Variants in ATP13A3 observed in about 807,000 individuals in gnomAD.
The protein encoded by ATP13A3 is polyamine-transporting ATPase 13A3.
A neutral mutation model predicts 158.1 loss-of-function variants in ATP13A3; 59 were observed. The observed-to-expected ratio is 0.37, with a 90% CI of 0.30 to 0.46. ATP13A3 has a LOEUF of 0.46. Ranked by LOEUF, ATP13A3 falls within the 20% of genes least tolerant of loss-of-function variation. The probability of loss-of-function intolerance (pLI) is 1.00; values close to 1 mark genes in which losing one functional copy is unlikely to be tolerated. For synonymous variants in ATP13A3, 491 were observed against 504.3 expected (o/e 0.97, Z 0.35); for missense variants, 1,166 against 1,525.2 (o/e 0.76, Z 3.92).
At chr3:194,460,854 T>G in intron 3 of ATP13A3, 23 bp from the exon 4 acceptor site, 1 of 1,590,084 alleles carries the variant, frequency 6.3e-7, no homozygotes, top group South Asian at 1.1e-5. Flanking sequence ...AGCGATCACA[T>G]GATTAATTAT....
chr3:194,441,995 A>G (rs545230611), intron 15 of ATP13A3, among the ~76,000 whole-genome samples: 2 of 152,338 alleles, frequency 1.3e-5, no homozygotes, highest in East Asian at 3.9e-4. Flanking sequence ...TTGGCCCATT[A>G]TCCTCACACC....
rs1041052270 is a variant in ATP13A3 at position 194,472,975 on chromosome 3, G to A, written c.-46-10739C>T. Among the ~76,000 whole-genome samples, 4 of 152,038 alleles carry A rather than the reference G, an allele frequency of 2.6e-5. No individual in the cohort carries two copies. In the South Asian group the frequency reaches 8.3e-4, roughly 32 times the overall value. On this transcript the variant is annotated intron_variant, in intron 2 of 33. Coordinates refer to ENST00000645319, the MANE Select transcript of ATP13A3 (RefSeq NM_001367549.1). Reference sequence around the variant, plus strand: ...TGGATATACATAGACATAAAGATGGGGAACAATGGACACTGGCAATGACTA... The same window carrying A: ...TGGATATACATAGACATAAAGATGGAGAACAATGGACACTGGCAATGACTA...
At position 194,431,727 on chromosome 3, in the gene ATP13A3, A is replaced by T; in HGVS notation, c.2411T>A (p.Ile804Asn). 6.3e-7 allele frequency: 1 copy of T among 1,577,318 alleles called. No individual in the cohort carries two copies. The highest frequency in any genetic ancestry group is 8.6e-7 in the Non-Finnish European group (1 of 1,163,810). ...CGATCTTGACCTTACCTCTGGGTCAATTGCTGATGGATGACTGCACTGCGT... is the reference window on the plus strand; with the variant it reads ...CGATCTTGACCTTACCTCTGGGTCATTTGCTGATGGATGACTGCACTGCGT... Reference protein sequence around the residue: ...SLTQCSHPSAIDPEAIPVKLV... With the variant: ...SLTQCSHPSANDPEAIPVKLV... Residue 804 changes from isoleucine (I) to asparagine (N), a missense_variant, in exon 22 of 34, where the codon ATT becomes AAT. Coordinates refer to ENST00000645319, the MANE Select transcript of ATP13A3 (RefSeq NM_001367549.1).
rs772008929 is a variant in ATP13A3, at chr3:194,410,296, CAAAAAAAAAAAAAAAAAAAAA to C, written c.3573+1882_3573+1902del. On this transcript the variant is annotated intron_variant, in intron 33 of 33. Coordinates refer to ENST00000645319, the MANE Select transcript of ATP13A3 (RefSeq NM_001367549.1). ...GCAACATGGCAAAACCTCCTCTCTGCAAAAAAAAAAAAAAAAAAAAAAAAAAAAAAAAAAACTGCTGGGCCT... is the reference window on the plus strand; with the variant it reads ...GCAACATGGCAAAACCTCCTCTCTGCAAAAAAAAAAAAAACTGCTGGGCCT... Among the ~76,000 whole-genome samples, 16 of 21,810 alleles carry C rather than the reference CAAAAAAAAAAAAAAAAAAAAA, an allele frequency of 7.3e-4. No homozygotes were observed. In the Admixed American group the frequency reaches 0.012, roughly 16 times the overall value. 14.3% of individuals were successfully genotyped at this position (21,810 alleles called of 152,430 possible).
intron 14 of ATP13A3, among the ~76,000 whole-genome samples, chr3:194,445,059 C>CAA (rs200262289): frequency 6.8e-6 from 1 of 147,876 alleles, no homozygotes; most frequent in Non-Finnish European, 1.5e-5. Flanking sequence ...CTTATACTAT[C>CAA]AAAAAAAAAA....
chr3:194,462,276 C>T, intron 2 of ATP13A3, 40 bp from the exon 3 acceptor site: 1 of 1,319,214 alleles, frequency 7.6e-7, no homozygotes, highest in Non-Finnish European at 1.1e-6. Context: ...GAACTATCTT[C>T]TATCTTAGTA....
At chr3:194,462,807 C>G (rs936326901) in intron 2 of ATP13A3, among the ~76,000 whole-genome samples, 5 of 152,168 alleles carry the variant, frequency 3.3e-5, no homozygotes, top group African/African-American at 7.2e-5. Context: ...AATGGGATAC[C>G]AGTGCTTGAA....
rs558339882 is a variant in ATP13A3 at position 194,446,595 on chromosome 3, G to C, written c.1497+332C>G. ...ATATTTATTTCAATGATTAATATCA[G>C]AAGTGTTTTAGATCTTTATTTAGAA... On this transcript the variant is annotated intron_variant, in intron 14 of 33. Transcript: ENST00000645319. Among the ~76,000 whole-genome samples the C allele has an allele frequency of 7.2e-5, 11 of 152,280 alleles. 1 individual carries two copies. In the South Asian group the frequency reaches 2.3e-3, roughly 32 times the overall value.
intron 2 of ATP13A3, among the ~76,000 whole-genome samples, chr3:194,481,401 A>C (rs1356346912): frequency 6.6e-6 from 1 of 152,262 alleles, no homozygotes; most frequent in East Asian, 1.9e-4. Flanking sequence ...AAAATGCAAA[A>C]GTTTTGAGAT....
intron 6 of ATP13A3, among the ~76,000 whole-genome samples, chr3:194,458,847 A>G (rs74540826): frequency 0.066 from 10,042 of 152,196 alleles, 908 homozygotes; most frequent in African/African-American, 0.2. Flanking sequence ...AGAAACCTAC[A>G]GGTATGAATA....
chr3:194,454,240 T>C lies in ATP13A3; in HGVS notation c.765+18A>G. ...AATACAAATACAGTTGTGAAACCCA[T>C]AATAAATTTGAACTTACCTTTCTAA... On this transcript the variant is annotated intron_variant, in intron 9 of 33. Coordinates refer to ENST00000645319, the MANE Select transcript of ATP13A3 (RefSeq NM_001367549.1). 1 of 1,585,242 alleles carries C rather than the reference T, an allele frequency of 6.3e-7. No homozygotes were observed. The highest frequency in any genetic ancestry group is 8.6e-7 in the Non-Finnish European group (1 of 1,158,898).
intron 33 of ATP13A3, among the ~76,000 whole-genome samples, chr3:194,411,190 C>A (rs1158600491): frequency 2.0e-5 from 3 of 152,070 alleles, no homozygotes; most frequent in Non-Finnish European, 4.4e-5. Flanking sequence ...GGACATCAGG[C>A]CTGCTGGATG....
chr3:194,477,951 G>A (rs1408772568), intron 2 of ATP13A3, among the ~76,000 whole-genome samples: 1 of 152,156 alleles, frequency 6.6e-6, no homozygotes, highest in African/African-American at 2.4e-5. Context: ...TTCTTCAGCA[G>A]ACAGAAAGTT....
chr3:194,406,174 T>C (rs1189506638), intron 33 of ATP13A3, 58 bp from the exon 34 acceptor site: 4 of 1,561,060 alleles, frequency 2.6e-6, no homozygotes, highest in Non-Finnish European at 3.5e-6. Context: ...GGCTTGTCGT[T>C]TTAAACAGGT....
chr3:194,416,446 AG>A (rs1241626764), intron 31 of ATP13A3, among the ~76,000 whole-genome samples: 1 of 151,984 alleles, frequency 6.6e-6, no homozygotes, highest in African/African-American at 2.4e-5. Flanking sequence ...CGACAGAGCG[AG>A]ACTCCATCTC....
At chr3:194,443,216 G>A (rs1418330837) in intron 15 of ATP13A3, among the ~76,000 whole-genome samples, 2 of 152,148 alleles carry the variant, frequency 1.3e-5, no homozygotes, top group Non-Finnish European at 2.9e-5. Context: ...CATATAGGAA[G>A]GGAGGAGAAT....
chr3:194,447,790 T>C, intron 13 of ATP13A3, 62 bp downstream of exon 13: 1 of 1,420,502 alleles, frequency 7.0e-7, no homozygotes, highest in Non-Finnish European at 9.6e-7. Flanking sequence ...TTTCAAATCC[T>C]CAATAGCTGC....
chr3:194,455,857 C>T, intron 8 of ATP13A3, 36 bp downstream of exon 8: 1 of 1,264,654 alleles, frequency 7.9e-7, no homozygotes, highest in South Asian at 1.4e-5. Context: ...ATCCATTGAT[C>T]ATGACTGTTA....
intron 2 of ATP13A3, among the ~76,000 whole-genome samples, chr3:194,475,167 T>C (rs1720471448): frequency 6.6e-6 from 1 of 152,230 alleles, no homozygotes; most frequent in African/African-American, 2.4e-5. Context: ...GTCTTCAGTG[T>C]GTTAAAAACA....
Sources: allele counts gnomAD v4.1 joint callset (sites outside exome capture counted in the v4.1 genomes callset), GRCh38; gene constraint gnomAD v4.1.1; transcripts MANE v1.5; gene names NCBI Gene and HGNC (gene_info 2026-07-23, HGNC 2026-07-21).